Variants in COL20A1 observed in about 807,000 individuals in gnomAD.
COL20A1 encodes collagen type XX alpha 1 chain, also known as collagen alpha-1(XX) chain.
COL20A1 carries 164 observed loss-of-function variants against 152.9 expected under a neutral mutation model. The ratio of observed to expected loss-of-function variants is 1.07; its 90% CI spans 0.94 to 1.22. The LOEUF is 1.22. Among genes scored for constraint, COL20A1 ranks in the 50% most tolerant of loss-of-function variants. The pLI is 0.00. For synonymous variants in COL20A1, 864 were observed against 756.0 expected, an observed-to-expected ratio of 1.14 and a Z score of -2.34; for missense variants, 1,873 against 1,744.8, an observed-to-expected ratio of 1.07 and a Z score of -1.31.
intron 31 of COL20A1, chr20:63,327,572 G>A (rs2068270091): frequency 4.2e-6 from 1 of 237,350 alleles, no homozygotes; most frequent in Non-Finnish European, 8.3e-6. Context: ...GGAGGTGGAA[G>A]AAGACAGAAG....
rs747912575 is a variant in COL20A1 at position 63,319,040 on chromosome 20, C to T, written c.2664-18C>T. ...CTTGGGTCTGCTCATGTGCCTCTCC[C>T]TCCCCCAACCCCCACAGTGACGTCT... is the stretch of plus-strand genomic sequence containing the variant. On this transcript the variant is annotated intron_variant, in intron 21 of 35. Transcript: ENST00000358894. The surrounding 1 kb of genome is among the most constrained non-coding windows in gnomAD (Gnocchi z 4.4). 1.3e-6 allele frequency: 2 copies of T among 1,595,326 alleles called. No individual in the cohort carries two copies. Among genetic ancestry groups the T allele is most frequent in the Non-Finnish European group, 8.6e-7 (1 of 1,164,384 alleles).
At chr20:63,312,132 C>T in intron 14 of COL20A1, 77 bp downstream of exon 14, 1 of 1,439,820 alleles carries the variant, frequency 6.9e-7, no homozygotes, top group Non-Finnish European at 9.2e-7. Context: ...GGGGTGGAGC[C>T]AACCATCAGA....
In COL20A1 at chr20:63,305,399, C is replaced by T. The variant is rs199801203; in HGVS notation, c.194-18C>T. 8.1e-6 allele frequency: 12 copies of T among 1,482,162 alleles called. No homozygotes were observed. Among genetic ancestry groups the T allele is most frequent in the East Asian group, 2.5e-5 (1 of 39,878 alleles). 91.8% of individuals were successfully genotyped at this position (1,482,162 alleles called of 1,614,324 possible). A position where few individuals can be genotyped will look rare whatever the true frequency, so the allele number is the denominator to read the frequency against. Reference sequence around the variant, plus strand: ...CGTGTGCACCTTGGCCTCTAAAGCTCTCCCCACCCCTACCCAGGGGACTCG... The same window carrying T: ...CGTGTGCACCTTGGCCTCTAAAGCTTTCCCCACCCCTACCCAGGGGACTCG... On this transcript the variant is annotated intron_variant, in intron 3 of 35. Coordinates refer to ENST00000358894, the MANE Select transcript of COL20A1 (RefSeq NM_020882.4). The surrounding 1 kb of genome is among the most constrained non-coding windows in gnomAD (Gnocchi z 4.9).
At position 63,333,515 on chromosome 20, in the gene COL20A1, G is replaced by A. The variant is rs141973878; in HGVS notation, c.*2799G>A. The A allele has an allele frequency of 0.011, 1,653 of 152,334 alleles. 18 individuals are homozygous for A. The highest frequency in any genetic ancestry group is 0.027 in the Middle Eastern group (8 of 294). 9.4% of individuals were successfully genotyped at this position (152,334 alleles called of 1,614,324 possible). Reference sequence around the variant, plus strand: ...CCTAGGTCTGCAGGCAGTGCCGAGTGGCTCTGCCTGAGGCCCCAAGAGCGA... The same window carrying A: ...CCTAGGTCTGCAGGCAGTGCCGAGTAGCTCTGCCTGAGGCCCCAAGAGCGA... On this transcript the variant is annotated 3_prime_UTR_variant, in exon 36 of 36. Transcript: ENST00000358894.
At chr20:63,326,522 A>T (rs1452454107) in intron 30 of COL20A1, among the ~76,000 whole-genome samples, 1 of 150,542 alleles carries the variant, frequency 6.6e-6, no homozygotes. Flanking sequence ...GGACGTTTAG[A>T]GCAGCGTGCT....
Position 63,314,214 on chromosome 20 carries a change from C to G in COL20A1, c.2488+13C>G. 6.4e-7 allele frequency: 1 copy of G among 1,552,336 alleles called. No individual in the cohort carries two copies. The highest frequency in any genetic ancestry group is 8.7e-7 in the Non-Finnish European group (1 of 1,147,724). On this transcript the variant is annotated intron_variant, in intron 19 of 35. Transcript: ENST00000358894. The stretch of plus-strand genomic sequence containing the variant: ...ACGGGCCAGACAGGTGAGTGGGCAC[C>G]AAGACCCCAGACCCAGGTAGACCCA...
intron 19 of COL20A1, among the ~76,000 whole-genome samples, chr20:63,315,100 C>A (rs1425283331): frequency 6.6e-6 from 1 of 152,234 alleles, no homozygotes; most frequent in African/African-American, 2.4e-5. Context: ...TGACCAGTAC[C>A]CTCGAAGGGT....
chr20:63,303,054 T>C (rs547453017), intron 3 of COL20A1, among the ~76,000 whole-genome samples: 1 of 152,346 alleles, frequency 6.6e-6, no homozygotes, highest in Non-Finnish European at 1.5e-5. Context: ...CCTGATGCCA[T>C]CAACTTGGTG....
At chr20:63,323,912 A>G (rs914074938) in intron 27 of COL20A1, among the ~76,000 whole-genome samples, 3 of 152,210 alleles carry the variant, frequency 2.0e-5, no homozygotes, top group Non-Finnish European at 1.5e-5. Flanking sequence ...TTTTACTGGA[A>G]CTGCATTCGC....
chr20:63,311,982 G>A lies in COL20A1; in HGVS notation c.1730G>A (p.Trp577Ter). ...DVSHDAARVF[W>*]EGAPRPVRLV... ...AGCCACGACGCGGCACGAGTGTTCT[G>A]GGAGGGTGCCCCGAGGCCTGTGCGC... is the stretch of plus-strand genomic sequence containing the variant. The change falls in exon 14 of 36, where the codon TGG becomes TAG. Residue 577 changes from tryptophan to a stop codon, truncating the protein, a stop_gained. Transcript: ENST00000358894. LOFTEE classifies it high-confidence loss of function. This position sits in a 1 kb window ranked among gnomAD's most constrained non-coding sequence, Gnocchi z 4.4. 8 of 1,603,854 alleles carry A rather than the reference G, an allele frequency of 5.0e-6. No homozygotes were observed. Among genetic ancestry groups the A allele is most frequent in the East Asian group, 2.2e-5 (1 of 44,600 alleles).
At position 63,326,921 on chromosome 20, in the gene COL20A1, CAGGGACTTCCTACTGACCACCT is replaced by C; in HGVS notation, c.3528+110_3528+131del. On this transcript the variant is annotated intron_variant, in intron 31 of 35. Transcript: ENST00000358894. ...ACTCAGGGACTTCCTACTGACAGCT[CAGGGACTTCCTACTGACCACCT>C]AGGGACTTCCTGTTGACAGCCCACA... The C allele has an allele frequency of 6.3e-6, 5 of 799,740 alleles. No homozygotes were observed. The South Asian group carries it at 1.1e-4, about 17-fold the overall frequency. The allele number at this position is 799,740 out of a possible 1,614,324, so 49.5% of individuals were successfully genotyped here. A position where few individuals can be genotyped will look rare whatever the true frequency, so the allele number is the denominator to read the frequency against.
chr20:63,301,189 C>T (rs2067859173), intron 3 of COL20A1, among the ~76,000 whole-genome samples: 1 of 152,210 alleles, frequency 6.6e-6, no homozygotes, highest in African/African-American at 2.4e-5. Flanking sequence ...GTGGCACACA[C>T]CTGTAATCCC....
chr20:63,298,220 T>C (rs887134691), intron 3 of COL20A1, among the ~76,000 whole-genome samples, 200 bp downstream of exon 3: 2 of 152,252 alleles, frequency 1.3e-5, no homozygotes. Flanking sequence ...ATGGGGCTCC[T>C]CTGTCCCTGG....
intron 9 of COL20A1, 27 bp downstream of exon 9, chr20:63,309,524 C>G (rs887394420): frequency 2.7e-6 from 4 of 1,474,202 alleles, no homozygotes; most frequent in Non-Finnish European, 3.6e-6. Flanking sequence ...CCCGCACAGG[C>G]TGCAGCCCCC....
intron 29 of COL20A1, 75 bp from the exon 30 acceptor site, chr20:63,326,021 C>T (rs534548681): frequency 9.0e-6 from 12 of 1,328,234 alleles, no homozygotes; most frequent in South Asian, 7.0e-5. Context: ...TTGGGTGCTG[C>T]TGGGGGGCTG....
At chr20:63,327,091 A>T in intron 31 of COL20A1, 1 of 401,258 alleles carries the variant, frequency 2.5e-6, no homozygotes, top group East Asian at 4.1e-5. Flanking sequence ...TCGCTCTCCC[A>T]GGGACTTCCT....
chr20:63,329,644 G>A lies in COL20A1; in HGVS notation c.3841G>A (p.Gly1281Ser). Residue 1281 changes from glycine (G) to serine (S), a missense_variant, in exon 35 of 36, where the codon GGC becomes AGC. Coordinates refer to ENST00000358894, the MANE Select transcript of COL20A1 (RefSeq NM_020882.4). ...TGGGCAGCAGGGGGCTAGCACCCAG[G>A]GCCTCTGGGAGTGACAGGTGAGCCC... ...SPGQQGASTQGLWE is the reference protein window; with the variant it reads ...SPGQQGASTQSLWE The A allele has an allele frequency of 1.9e-6, 3 of 1,598,448 alleles. No individual in the cohort carries two copies. Among genetic ancestry groups the A allele is most frequent in the Non-Finnish European group, 2.6e-6 (3 of 1,175,696 alleles).
Position 63,325,471 on chromosome 20 carries a change from G to A in COL20A1, c.3325G>A (p.Asp1109Asn), listed in dbSNP as rs1042809022. The A allele has an allele frequency of 1.2e-6, 2 of 1,612,914 alleles. No homozygotes were observed. Among genetic ancestry groups the A allele is most frequent in the Non-Finnish European group, 1.7e-6 (2 of 1,179,666 alleles). Residue 1109 changes from aspartate to asparagine, a missense_variant, in exon 28 of 36, where the codon GAC becomes AAC. Transcript: ENST00000358894. ...ACCAGGGGTCAAAGGAGAGAAGGGAGACCATGGGCTTCCAGGCTTGCAGGT... is the reference window on the plus strand; with the variant it reads ...ACCAGGGGTCAAAGGAGAGAAGGGAAACCATGGGCTTCCAGGCTTGCAGGT... ...GPPGVKGEKG[D>N]HGLPGLQGHP...
intron 27 of COL20A1, among the ~76,000 whole-genome samples, chr20:63,323,047 C>T (rs1161306140): frequency 6.6e-6 from 1 of 152,252 alleles, no homozygotes; most frequent in Non-Finnish European, 1.5e-5. Context: ...TCCCCCGCGA[C>T]GAGCCAGCGG....
Sources: allele counts gnomAD v4.1 joint callset (sites outside exome capture counted in the v4.1 genomes callset), GRCh38; gene constraint gnomAD v4.1.1; non-coding constraint Gnocchi (gnomAD v3.1); transcripts MANE v1.5; gene names NCBI Gene and HGNC (gene_info 2026-07-23, HGNC 2026-07-21).